The following DLC1 variants were observed in gnomAD, a reference collection of about 807,000 sequenced individuals.
The protein encoded by DLC1 is DLC1 Rho GTPase activating protein, also known as rho GTPase-activating protein 7.
DLC1 carries 54 observed loss-of-function variants against 140.3 expected under a neutral mutation model. The ratio of observed to expected loss-of-function variants is 0.38; its 90% confidence interval spans 0.31 to 0.48. The LOEUF is 0.48. Among genes scored for constraint, DLC1 ranks in the 20% least tolerant of loss-of-function variants. The pLI is 0.96. For synonymous variants in DLC1, 986 were observed against 728.1 expected (o/e 1.35, Z -5.70); for missense variants, 2,536 against 1,907.0 (o/e 1.33, Z -6.14).
intron 1 of DLC1, among the ~76,000 whole-genome samples, chr8:13,511,402 A>T (rs1802359156): frequency 6.6e-6 from 1 of 152,104 alleles, no homozygotes; most frequent in Non-Finnish European, 1.5e-5. Context: ...CAAAATTAAC[A>T]ATCTTTTTTA....
intron 4 of DLC1, among the ~76,000 whole-genome samples, chr8:13,346,607 T>G (rs12681573): frequency 2.0e-5 from 3 of 152,034 alleles, no homozygotes; most frequent in Non-Finnish European, 4.4e-5. Context: ...AAGAACTTGA[T>G]GGCAAAGCAA....
chr8:13,515,358 C>T (rs927234359), upstream of DLC1: 6 of 152,202 alleles, frequency 3.9e-5, no homozygotes, highest in African/African-American at 1.4e-4. Flanking sequence ...AAATCCCAAG[C>T]ATCCAGTTAA....
intron 4 of DLC1, among the ~76,000 whole-genome samples, chr8:13,364,431 T>C (rs756055932): frequency 1.4e-4 from 21 of 152,138 alleles, no homozygotes; most frequent in Non-Finnish European, 2.4e-4. Flanking sequence ...CCTGAGTAGC[T>C]GAGATTACAG....
At position 13,345,547 on chromosome 8, in the gene DLC1, C is replaced by CTTTTTTTTTTTTTTTTTTTT. The variant is rs535092622; in HGVS notation, c.1315-40265_1315-40246dup. Among the ~76,000 whole-genome samples the CTTTTTTTTTTTTTTTTTTTT allele has an allele frequency of 1.7e-3, 112 of 67,510 alleles. 15 individuals carry two copies. The highest frequency in any genetic ancestry group is 2.4e-3 in the Non-Finnish European group (94 of 38,912). The allele number at this position is 67,510 out of a possible 152,430, so 44.3% of individuals were successfully genotyped here. ...GATTATCTGAAATTTTTCACTCACACTTTTTTTTTTTTTTTTTTTTTTTGG... is the reference window on the plus strand; with the variant it reads ...GATTATCTGAAATTTTTCACTCACACTTTTTTTTTTTTTTTTTTTTTTTTTTTTTTTTTTTTTTTTTTTGG... On this transcript the variant is annotated intron_variant, in intron 4 of 17. Coordinates refer to ENST00000276297, the MANE Select transcript of DLC1 (RefSeq NM_182643.3).
chr8:13,411,656 T>G (rs566607795), intron 2 of DLC1, among the ~76,000 whole-genome samples: 12 of 152,300 alleles, frequency 7.9e-5, no homozygotes, highest in African/African-American at 2.9e-4. Context: ...ATTCTGTACC[T>G]TCCACTCAAT....
intron 5 of DLC1, among the ~76,000 whole-genome samples, chr8:13,128,114 C>T (rs1821742035): frequency 1.3e-5 from 2 of 151,820 alleles, no homozygotes; most frequent in African/African-American, 2.4e-5. Context: ...AAACTGATTT[C>T]CACTGTGTCT....
intron 4 of DLC1, among the ~76,000 whole-genome samples, chr8:13,343,458 C>A (rs939599923): frequency 2.0e-5 from 3 of 152,104 alleles, no homozygotes; most frequent in Non-Finnish European, 2.9e-5. Flanking sequence ...AGCTAATGTG[C>A]TGAAATAAAA....
At chr8:13,454,347 T>G (rs1799294568) in intron 2 of DLC1, among the ~76,000 whole-genome samples, 1 of 152,244 alleles carries the variant, frequency 6.6e-6, no homozygotes, top group African/African-American at 2.4e-5. Context: ...AAAAAAAAAG[T>G]TCCTGTCTTC....
At chr8:13,361,212 A>G (rs1259400410) in intron 4 of DLC1, among the ~76,000 whole-genome samples, 2 of 152,098 alleles carry the variant, frequency 1.3e-5, no homozygotes, top group Non-Finnish European at 2.9e-5. Context: ...AGCCTGGGCG[A>G]CGGAGTGAGA....
intron 3 of DLC1, among the ~76,000 whole-genome samples, chr8:13,398,900 C>G (rs1294752569): frequency 6.6e-6 from 1 of 152,150 alleles, no homozygotes; most frequent in Non-Finnish European, 1.5e-5. Flanking sequence ...CGGGACATCT[C>G]TCAATGGTCT....
At chr8:13,385,806 T>C (rs946061538) in intron 4 of DLC1, among the ~76,000 whole-genome samples, 11 of 152,206 alleles carry the variant, frequency 7.2e-5, no homozygotes, top group Admixed American at 3.3e-4. Context: ...TAACTGTCTT[T>C]AAGACATGAG....
intron 4 of DLC1, among the ~76,000 whole-genome samples, chr8:13,335,403 C>T (rs2116960486): frequency 6.6e-6 from 1 of 152,288 alleles, no homozygotes; most frequent in South Asian, 2.1e-4. Context: ...CTGATCAACA[C>T]TTTTCTCTAC....
At chr8:13,205,669 T>C (rs1000763424) in intron 5 of DLC1, among the ~76,000 whole-genome samples, 1 of 152,182 alleles carries the variant, frequency 6.6e-6, no homozygotes, top group Admixed American at 6.6e-5. Context: ...CAAATTTATG[T>C]TGGGCTGCAT....
At chr8:13,421,530 C>T (rs1430547420) in intron 2 of DLC1, among the ~76,000 whole-genome samples, 1 of 152,070 alleles carries the variant, frequency 6.6e-6, no homozygotes, top group Non-Finnish European at 1.5e-5. Flanking sequence ...GCTATGAGGA[C>T]ATTTTCTGTT....
At chr8:13,276,127 T>C in intron 5 of DLC1, 1 of 1,283,460 alleles carries the variant, frequency 7.8e-7, no homozygotes, top group Non-Finnish European at 1.0e-6. Context: ...CCGAACACAC[T>C]GCCATGACAA....
Position 13,499,861 on chromosome 8 carries a change from T to A in DLC1, c.211A>T (p.Arg71Ter). ...LPDCCHGSEL[R>*]DFPGRPMGHL... ...CCCATTGGCCTCCCAGGAAAATCTCTCAGCTCTGATCCATGACAGCAGTCA... is the reference window on the plus strand; with the variant it reads ...CCCATTGGCCTCCCAGGAAAATCTCACAGCTCTGATCCATGACAGCAGTCA... The change falls in exon 2 of 18, where the codon AGA becomes TGA. Residue 71 changes from arginine (R) to a stop codon, truncating the protein, a stop_gained. Coordinates refer to ENST00000276297, the MANE Select transcript of DLC1 (RefSeq NM_182643.3). LOFTEE classifies it high-confidence loss of function. The A allele has an allele frequency of 6.2e-7, 1 of 1,614,106 alleles. No individual in the cohort carries two copies. Among genetic ancestry groups the A allele is most frequent in the East Asian group, 2.2e-5 (1 of 44,872 alleles).
rs572084405 is a variant in DLC1, at chr8:13,097,773, T to C, written c.3167+626A>G. On this transcript the variant is annotated intron_variant, in intron 10 of 17. Transcript: ENST00000276297. ...TACCACGTGATGCAAGAGTAATGCA[T>C]TCTCACCCCATCAACTGGCAATCTG... Among the ~76,000 whole-genome samples, 24 of 152,178 alleles carry C rather than the reference T, an allele frequency of 1.6e-4. No homozygotes were observed. In the South Asian group the frequency reaches 4.8e-3, roughly 30 times the overall value.
rs201639872 is a variant in DLC1, at chr8:13,219,971, TA to T, written c.1348+85297del. Among the ~76,000 whole-genome samples, 740 of 152,218 alleles carry T rather than the reference TA, an allele frequency of 4.9e-3. 4 individuals are homozygous for T. Among genetic ancestry groups the T allele is most frequent in the African/African-American group, 0.017 (691 of 41,542 alleles). On this transcript the variant is annotated intron_variant, in intron 5 of 17. Transcript: ENST00000276297. ...CACTACATGAACTATCGAGAATAGA[TA>T]AATCCGTAGACACAGAAAGCAGATT...
intron 5 of DLC1, among the ~76,000 whole-genome samples, chr8:13,237,193 A>ATGTG (rs1234020002): frequency 1.8e-5 from 2 of 111,464 alleles, no homozygotes; most frequent in South Asian, 6.1e-4. Flanking sequence ...GTATATATAT[A>ATGTG]TATATGTGTG....
Sources: gnomAD v4.1 joint callset for allele counts (sites outside exome capture counted in the v4.1 genomes callset) on GRCh38, gnomAD v4.1.1 for gene constraint, MANE v1.5 for transcripts, NCBI Gene and HGNC (gene_info 2026-07-23, HGNC 2026-07-21) for gene names.